Variants in UBR4 observed in about 807,000 individuals in gnomAD.
UBR4 encodes E3 ubiquitin-protein ligase UBR4.
A neutral mutation model predicts 575.6 loss-of-function variants in UBR4; 124 were observed. That is an observed-to-expected ratio of 0.22 (90% confidence interval 0.19 to 0.25). The LOEUF is 0.25. Ranked by LOEUF, UBR4 falls within the 10% of genes least tolerant of loss-of-function variation. The pLI is 1.00. For synonymous variants in UBR4, 2,455 were observed against 2,473.7 expected (o/e 0.99, Z 0.22); for missense variants, 4,818 against 6,478.8 (o/e 0.74, Z 8.80).
At position 19,078,372 on chromosome 1, in the gene UBR4, G is replaced by C. The variant is rs933061298; in HGVS notation, c.15234-306C>G. 6 of 271,284 alleles carry C rather than the reference G, an allele frequency of 2.2e-5. No homozygotes were observed. In the East Asian group the frequency reaches 5.0e-4, roughly 23 times the overall value. The allele number at this position is 271,284 out of a possible 1,614,324, so 16.8% of individuals were successfully genotyped here. ...CCAGGGCAGACGTGGCAAATGCAAG[G>C]CTAGTGACTTAAAGAAAGGCAAAGG... On this transcript the variant is annotated intron_variant, in intron 103 of 105. Transcript: ENST00000375254.
In UBR4 at chr1:19,164,424, A is replaced by T. The variant is rs1398385501; in HGVS notation, c.4529T>A (p.Val1510Glu). The change falls in exon 33 of 106, where the codon GTG becomes GAG. Residue 1510 changes from valine to glutamate, a missense_variant. Val to Glu is a moderately radical substitution (Grantham distance 121). Transcript: ENST00000375254. ...CAGGGTGCCCAGAAGAACAGCACAC[A>T]CACCTTCCCCAACTTGGCTAGGAGA... ...VRENSQVGEG[V>E]CAVLLGTLTP... is the part of the protein sequence containing the mutation. 2 of 1,613,782 alleles carry T rather than the reference A, an allele frequency of 1.2e-6. No individual in the cohort carries two copies. Among genetic ancestry groups the T allele is most frequent in the African/African-American group, 1.3e-5 (1 of 74,922 alleles).
Position 19,121,118 on chromosome 1 carries a change from G to A in UBR4, c.10141+71C>T, listed in dbSNP as rs2081124828. On this transcript the variant is annotated intron_variant, in intron 68 of 105. Coordinates refer to ENST00000375254, the MANE Select transcript of UBR4 (RefSeq NM_020765.3). The stretch of plus-strand genomic sequence containing the variant: ...AGGATTAAAAGACCTTTTACAACAG[G>A]ACAAACCATGTGCTCCAAGAGAGAT... The A allele has an allele frequency of 2.6e-6, 4 of 1,564,956 alleles. No homozygotes were observed. The South Asian group carries it at 4.9e-5, about 19-fold the overall frequency.
In UBR4 at chr1:19,198,069, C is replaced by G; in HGVS notation, c.649-20G>C. The stretch of plus-strand genomic sequence containing the variant: ...TTCCACCTGAAAAGAAACATAAGGC[C>G]TGTCAAGATACTATTATCTCTTCAC... On this transcript the variant is annotated intron_variant, in intron 5 of 105. Coordinates refer to ENST00000375254, the MANE Select transcript of UBR4 (RefSeq NM_020765.3). 6.2e-7 allele frequency: 1 copy of G among 1,608,862 alleles called. No homozygotes were observed. Among genetic ancestry groups the G allele is most frequent in the South Asian group, 1.1e-5 (1 of 91,028 alleles).
Position 19,192,292 on chromosome 1 carries a change from A to C in UBR4, c.1290T>G (p.Ala430=). ...LILNLSPTAL[A]DKGKEKDPLA... ...GTGGGTCCTTCTCTTTCCCCTTATC[A>C]GCCAACGCAGTAGGACTGAGGTTCA... Residue 430 remains alanine, a synonymous_variant, in exon 11 of 106, where the codon GCT becomes GCG. Transcript: ENST00000375254. 1 of 1,614,182 alleles carries C rather than the reference A, an allele frequency of 6.2e-7. No individual in the cohort carries two copies. The highest frequency in any genetic ancestry group is 2.2e-5 in the East Asian group (1 of 44,882).
At chr1:19,164,032 C>T (rs2087860526) in intron 33 of UBR4, among the ~76,000 whole-genome samples, 1 of 152,048 alleles carries the variant, frequency 6.6e-6, no homozygotes, top group African/African-American at 2.4e-5. Flanking sequence ...GCATACTTTC[C>T]CCAAGAATTA....
At position 19,095,569 on chromosome 1, in the gene UBR4, G is replaced by A. The variant is rs34639197; in HGVS notation, c.13602C>T (p.Asn4534=). The part of the protein sequence containing the change: ...QLVKLEMNTL[N]VMLGTLNLAL... ...CCAGGTTTAGGGTCCCCAGCATGAC[G>A]TTCAAGGTGTTCATTTCCAGTTTGA... Residue 4534 remains asparagine, a synonymous_variant, in exon 93 of 106, where the codon AAC becomes AAT. Coordinates refer to ENST00000375254, the MANE Select transcript of UBR4 (RefSeq NM_020765.3). 442 of 1,613,884 alleles carry A rather than the reference G, an allele frequency of 2.7e-4. 1 individual carries two copies. The highest frequency in any genetic ancestry group is 1.7e-4 in the Middle Eastern group (1 of 5,992).
chr1:19,130,209 G>A (rs967906869), intron 60 of UBR4, among the ~76,000 whole-genome samples: 1 of 152,070 alleles, frequency 6.6e-6, no homozygotes, highest in African/African-American at 2.4e-5. Context: ...GAGCTGAAGT[G>A]AGCTACTGTC....
intron 32 of UBR4, 92 bp downstream of exon 32, chr1:19,164,707 G>A (rs1444551000): frequency 1.4e-6 from 2 of 1,478,548 alleles, no homozygotes; most frequent in South Asian, 1.2e-5. Flanking sequence ...TGCTGAGAAT[G>A]CTAAGACTGG....
intron 60 of UBR4, among the ~76,000 whole-genome samples, chr1:19,131,109 A>G (rs1451668942): frequency 2.0e-5 from 3 of 151,816 alleles, no homozygotes; most frequent in East Asian, 3.9e-4. Context: ...GGGTCTCCCT[A>G]TGTTGCCCAG....
intron 92 of UBR4, among the ~76,000 whole-genome samples, chr1:19,096,165 G>A (rs560249976): frequency 6.6e-6 from 1 of 152,266 alleles, no homozygotes; most frequent in East Asian, 1.9e-4. Flanking sequence ...TCACTAAGGA[G>A]ATTAGTTGGA....
intron 38 of UBR4, 131 bp downstream of exon 38, chr1:19,160,786 G>T: frequency 2.4e-6 from 2 of 840,130 alleles, no homozygotes; most frequent in Non-Finnish European, 3.8e-6. Flanking sequence ...CATAGTATTT[G>T]CATTCACACT....
intron 27 of UBR4, 45 bp from the exon 28 acceptor site, chr1:19,168,229 TG>T (rs1557878926): frequency 1.4e-6 from 2 of 1,470,930 alleles, no homozygotes; most frequent in Non-Finnish European, 1.8e-6. Context: ...CCATCTACCC[TG>T]GAAAAAATTC....
chr1:19,118,290 C>T (rs2080785593), intron 71 of UBR4: 1 of 168,226 alleles, frequency 5.9e-6, no homozygotes, highest in Non-Finnish European at 1.3e-5. Context: ...ACAGTCACTA[C>T]TAAACCAGAG....
intron 101 of UBR4, among the ~76,000 whole-genome samples, chr1:19,085,852 C>T (rs1003254077): frequency 6.6e-6 from 1 of 152,194 alleles, no homozygotes; most frequent in African/African-American, 2.4e-5. Flanking sequence ...CATCTTCTGT[C>T]ATAAGATCAG....
At chr1:19,078,358 G>A (rs901560856) in intron 103 of UBR4, 2 of 309,960 alleles carry the variant, frequency 6.5e-6, no homozygotes, top group Admixed American at 4.6e-5. Context: ...CAGGGCAGAC[G>A]TGGCAAATGC....
rs756577616 is a variant in UBR4 at position 19,145,804 on chromosome 1, G to A, written c.7934C>T (p.Ala2645Val). 2.5e-6 allele frequency: 4 copies of A among 1,614,008 alleles called. No homozygotes were observed. The Admixed American group carries it at 5.0e-5, about 20-fold the overall frequency. The change falls in exon 53 of 106, where the codon GCC becomes GTC. Residue 2645 changes from alanine (A) to valine (V), a missense_variant. This residue lies in a region of UBR4 where 340 missense variants were observed against 375.4 expected (regional missense o/e 0.91). Transcript: ENST00000375254. Reference sequence around the variant, plus strand: ...CCCTTTTAACATACCTGGAAGGCAGGCAGGTGCCAAGAAGGCATTCTTGGG... The same window carrying A: ...CCCTTTTAACATACCTGGAAGGCAGACAGGTGCCAAGAAGGCATTCTTGGG... ...SKPKNAFLAP[A>V]CLPGLTHIEA...
chr1:19,178,990 A>C, intron 18 of UBR4, 61 bp downstream of exon 18: 2 of 1,577,960 alleles, frequency 1.3e-6, no homozygotes, highest in Middle Eastern at 2.0e-4. Context: ...ACTACAAAGA[A>C]GTCAAACAAA....
At chr1:19,123,966 G>T (rs2081449983) in intron 65 of UBR4, among the ~76,000 whole-genome samples, 1 of 152,156 alleles carries the variant, frequency 6.6e-6, no homozygotes. Context: ...CTGCCAACAG[G>T]GAGGGACACT....
Position 19,138,209 on chromosome 1 carries a change from A to G in UBR4, c.8732-28T>C, listed in dbSNP as rs199613614. Reference sequence around the variant, plus strand: ...AGAGGGAAATGGTTTAAAAAGCACAAATCAACTCCCAAAGCATGAAGGAAC... The same window carrying G: ...AGAGGGAAATGGTTTAAAAAGCACAGATCAACTCCCAAAGCATGAAGGAAC... On this transcript the variant is annotated intron_variant, in intron 59 of 105. Coordinates refer to ENST00000375254, the MANE Select transcript of UBR4 (RefSeq NM_020765.3). The G allele has an allele frequency of 5.1e-4, 749 of 1,478,096 alleles. 5 individuals are homozygous for G. The African/African-American group carries it at 9.5e-3, about 19-fold the overall frequency. The allele number at this position is 1,478,096 out of a possible 1,614,324, so 91.6% of individuals were successfully genotyped here. A position where few individuals can be genotyped will look rare whatever the true frequency, so the allele number is the denominator to read the frequency against.
Sources: gnomAD v4.1 joint callset for allele counts (sites outside exome capture counted in the v4.1 genomes callset) on GRCh38, gnomAD v4.1.1 for gene constraint, gnomAD v4.1.1 regional missense constraint, MANE v1.5 for transcripts, NCBI Gene and HGNC (gene_info 2026-07-23, HGNC 2026-07-21) for gene names.